The following SP2 variants were observed in gnomAD, a reference collection of about 807,000 sequenced individuals.
SP2 encodes Sp2 transcription factor, also known as transcription factor Sp2.
A neutral mutation model predicts 50.1 loss-of-function variants in SP2; 9 were observed. That is an observed-to-expected ratio of 0.18 (90% CI 0.11 to 0.31). The LOEUF is 0.31. SP2 is among the 10% of genes least tolerant of loss of function. The probability of loss-of-function intolerance (pLI) is 1.00; values close to 1 mark genes in which losing one functional copy is unlikely to be tolerated. For missense variants in SP2, 581 were observed against 806.5 expected (o/e 0.72, Z 3.39); for synonymous variants, 313 against 326.6 (o/e 0.96, Z 0.45).
At chr17:47,926,706 T>G (rs913800738) in intron 6 of SP2, among the ~76,000 whole-genome samples, 1 of 151,892 alleles carries the variant, frequency 6.6e-6, no homozygotes, top group African/African-American at 2.4e-5. Context: ...AGGTGATCAC[T>G]TGAGCCTAGG....
intron 6 of SP2, among the ~76,000 whole-genome samples, chr17:47,925,904 C>CATTTTTTTTTTTTTTTTTTT (rs1567704810): frequency 1.7e-5 from 2 of 119,478 alleles, no homozygotes; most frequent in African/African-American, 6.6e-5. Context: ...TTTGTTTATG[C>CATTTTTTTTTTTTTTTTTTT]CTTTTTTTTT....
chr17:47,923,256 A>G lies in SP2; in HGVS notation c.1354A>G (p.Thr452Ala), dbSNP rs778411978. ...TGTCCAGGTCCAGGGCGTGCCTGTC[A>G]CCATCACCAACACAGGCGGTGAGGA... Reference protein sequence around the residue: ...NGVQVQGVPVTITNTGGQQQL... With the variant: ...NGVQVQGVPVAITNTGGQQQL... The change falls in exon 4 of 7, where the codon ACC (threonine) becomes GCC (alanine). Residue 452 changes from threonine (T) to alanine (A), a missense_variant. Physicochemically the swap from Thr to Ala is moderately conservative, Grantham distance 58. Transcript: ENST00000376741. The G allele has an allele frequency of 5.0e-6, 8 of 1,603,824 alleles. No homozygotes were observed. The East Asian group carries it at 8.9e-5, about 18-fold the overall frequency.
chr17:47,920,001 T>C (rs2035382963), intron 3 of SP2, among the ~76,000 whole-genome samples: 1 of 151,132 alleles, frequency 6.6e-6, no homozygotes, highest in African/African-American at 2.4e-5. Context: ...CACGCCCGGC[T>C]AATTTTTTTT....
Position 47,928,298 on chromosome 17 carries a change from G to T in SP2, c.*474G>T. 6.4e-6 allele frequency: 1 copy of T among 155,098 alleles called. No homozygotes were observed. 9.6% of individuals were successfully genotyped at this position (155,098 alleles called of 1,614,324 possible). ...GCACCCACCTCTGGAGAAACTCGGGGCCACCTCCACTCCATGTGCCCAGCC... is the reference window on the plus strand; with the variant it reads ...GCACCCACCTCTGGAGAAACTCGGGTCCACCTCCACTCCATGTGCCCAGCC... On this transcript the variant is annotated 3_prime_UTR_variant, in exon 7 of 7. Coordinates refer to ENST00000376741, the MANE Select transcript of SP2 (RefSeq NM_003110.6).
chr17:47,912,987 G>A lies in SP2; in HGVS notation c.8-2325G>A, dbSNP rs548378003. Among the ~76,000 whole-genome samples the A allele has an allele frequency of 2.0e-5, 3 of 151,870 alleles. No homozygotes were observed. The East Asian group carries it at 5.8e-4, about 30-fold the overall frequency. Reference sequence around the variant, plus strand: ...TGATTCTCCTGCCTCAGCCTCCTGTGTAGCTGGGATTACGGGCACCTGCCA... The same window carrying A: ...TGATTCTCCTGCCTCAGCCTCCTGTATAGCTGGGATTACGGGCACCTGCCA... On this transcript the variant is annotated intron_variant, in intron 1 of 6. Coordinates refer to ENST00000376741, the MANE Select transcript of SP2 (RefSeq NM_003110.6).
intron 1 of SP2, among the ~76,000 whole-genome samples, chr17:47,900,650 GC>G (rs781178925): frequency 1.5e-4 from 23 of 152,162 alleles, no homozygotes; most frequent in Non-Finnish European, 2.2e-4. Context: ...GGTGGCACAC[GC>G]CTGTAGTCCC....
In SP2 at chr17:47,915,210, G is replaced by A. The variant is rs1176867425; in HGVS notation, c.8-102G>A. ...CCTGGGCAACAAGAGCAAAAATTCC[G>A]TCTCAAAAAAAAAAAAATAGAAAAA... On this transcript the variant is annotated intron_variant, in intron 1 of 6. Coordinates refer to ENST00000376741, the MANE Select transcript of SP2 (RefSeq NM_003110.6). The A allele has an allele frequency of 2.7e-5, 21 of 781,402 alleles. 1 individual carries two copies. In the East Asian group the frequency reaches 4.5e-4, roughly 17 times the overall value. 48.4% of individuals were successfully genotyped at this position (781,402 alleles called of 1,614,324 possible). A position where few individuals can be genotyped will look rare whatever the true frequency, so the allele number is the denominator to read the frequency against.
chr17:47,900,583 C>T (rs974747967), intron 1 of SP2, among the ~76,000 whole-genome samples: 5 of 152,166 alleles, frequency 3.3e-5, no homozygotes, highest in Non-Finnish European at 7.3e-5. Context: ...TCGAGACCAG[C>T]CTGGCTAACA....
chr17:47,896,913 T>G (rs541055595), intron 1 of SP2, among the ~76,000 whole-genome samples: 1 of 152,324 alleles, frequency 6.6e-6, no homozygotes, highest in Admixed American at 6.5e-5. Context: ...GCAGATGACC[T>G]CTCACCGGGG....
chr17:47,924,891 T>C, intron 4 of SP2, 28 bp from the exon 5 acceptor site: 1 of 1,557,898 alleles, frequency 6.4e-7, no homozygotes, highest in Non-Finnish European at 8.7e-7. Context: ...TTCCTCACCC[T>C]GAACTCTGCC....
chr17:47,906,577 C>T (rs2034770204), intron 1 of SP2, among the ~76,000 whole-genome samples: 1 of 152,136 alleles, frequency 6.6e-6, no homozygotes, highest in Non-Finnish European at 1.5e-5. Flanking sequence ...TTAAATTATG[C>T]TGGGAAAGTC....
At chr17:47,917,234 G>A in intron 3 of SP2, 104 bp downstream of exon 3, 2 of 1,246,310 alleles carry the variant, frequency 1.6e-6, no homozygotes, top group Non-Finnish European at 2.2e-6. Flanking sequence ...CTGACCTTGA[G>A]AGTCAGTATC....
intron 1 of SP2, among the ~76,000 whole-genome samples, chr17:47,901,121 G>A (rs899643144): frequency 2.0e-5 from 3 of 151,860 alleles, no homozygotes; most frequent in African/African-American, 4.8e-5. Flanking sequence ...ACAGATAGGC[G>A]GTATTCAAAT....
Position 47,916,593 on chromosome 17 carries a change from C to A in SP2, c.522C>A (p.His174Gln), listed in dbSNP as rs199905768. ...TCATCACCCCCTCACCGTCCAGTCA[C>A]AAGCCTGTCCCCATCAAGCCAGCCC... is the stretch of plus-strand genomic sequence containing the variant. ...QAIITPSPSS[H>Q]KPVPIKPAPI... The change falls in exon 3 of 7, where the codon CAC becomes CAA. Residue 174 changes from histidine to glutamine, a missense_variant. Transcript: ENST00000376741. This position sits in a 1 kb window ranked among gnomAD's most constrained non-coding sequence, Gnocchi z 4.7. 38 of 1,614,140 alleles carry A rather than the reference C, an allele frequency of 2.4e-5. 1 individual carries two copies.
intron 1 of SP2, among the ~76,000 whole-genome samples, chr17:47,910,799 A>G (rs1031117756): frequency 1.3e-5 from 2 of 152,230 alleles, no homozygotes; most frequent in African/African-American, 4.8e-5. Context: ...TGTATCGTGA[A>G]CTAAATGTGC....
In SP2 at chr17:47,928,424, A is replaced by G. The variant is rs1229960830; in HGVS notation, c.*600A>G. On this transcript the variant is annotated 3_prime_UTR_variant, in exon 7 of 7. Transcript: ENST00000376741. Reference sequence around the variant, plus strand: ...CTTTTTCTATGGAGAACGTTGCCTTATACTCTACTTCAGATGATGAACACT... The same window carrying G: ...CTTTTTCTATGGAGAACGTTGCCTTGTACTCTACTTCAGATGATGAACACT... 1.7e-5 allele frequency: 2 copies of G among 117,766 alleles called. No homozygotes were observed. The highest frequency in any genetic ancestry group is 8.3e-5 in the Admixed American group (1 of 12,102). The allele number at this position is 117,766 out of a possible 1,614,324, so 7.3% of individuals were successfully genotyped here.
At chr17:47,901,112 CAGAT>C (rs917280230) in intron 1 of SP2, among the ~76,000 whole-genome samples, 3 of 151,706 alleles carry the variant, frequency 2.0e-5, no homozygotes, top group South Asian at 4.2e-4. Context: ...AGGGTGGAGA[CAGAT>C]AGGCGGTATT....
At chr17:47,903,615 A>G (rs1439151395) in intron 1 of SP2, among the ~76,000 whole-genome samples, 1 of 151,260 alleles carries the variant, frequency 6.6e-6, no homozygotes, top group Non-Finnish European at 1.5e-5. Flanking sequence ...GCAGCGAGCC[A>G]AGACCAAAAG....
chr17:47,925,377 T>C lies in SP2; in HGVS notation c.1577T>C (p.Val526Ala). ...GGAGAGCAGGGCAAGAAGAAGCACG[T>C]GTGCCACATCCCCGACTGTGGCAAG... ...RSGEQGKKKH[V>A]CHIPDCGKTF... Residue 526 changes from valine to alanine, a missense_variant, in exon 6 of 7, where the codon GTG (valine) becomes GCG (alanine). By Grantham distance (64) the Val-to-Ala change is moderately conservative (BLOSUM62 0). Transcript: ENST00000376741. 6.2e-7 allele frequency: 1 copy of C among 1,614,068 alleles called. No homozygotes were observed. The highest frequency in any genetic ancestry group is 8.5e-7 in the Non-Finnish European group (1 of 1,179,954).
Sources: allele counts gnomAD v4.1 joint callset (sites outside exome capture counted in the v4.1 genomes callset), GRCh38; gene constraint gnomAD v4.1.1; non-coding constraint Gnocchi (gnomAD v3.1); transcripts MANE v1.5; gene names NCBI Gene and HGNC (gene_info 2026-07-23, HGNC 2026-07-21).